SMARCAD1: variants seen among roughly 807,000 people sequenced by gnomAD.
SMARCAD1 encodes SNF2 related chromatin remodeling ATPase with DExD box 1.
A neutral mutation model predicts 127.1 loss-of-function variants in SMARCAD1; 25 were observed. The ratio of observed to expected loss-of-function variants is 0.20; its 90% CI spans 0.14 to 0.27. The LOEUF (loss-of-function observed/expected upper bound fraction) is 0.27, where lower values mean the gene tolerates loss of function less well. SMARCAD1 is among the 10% of genes least tolerant of loss of function. SMARCAD1 has a pLI of 1.00. For missense variants in SMARCAD1, 807 were observed against 1,206.0 expected (o/e 0.67, Z 4.90); for synonymous variants, 400 against 396.9 (o/e 1.01, Z -0.09).
intron 2 of SMARCAD1, among the ~76,000 whole-genome samples, chr4:94,221,063 A>G (rs550719889): frequency 6.6e-6 from 1 of 152,350 alleles, no homozygotes; most frequent in South Asian, 2.1e-4. Flanking sequence ...TGAACAAAGT[A>G]ATACAAAGAA....
intron 2 of SMARCAD1, among the ~76,000 whole-genome samples, chr4:94,222,562 A>G (rs1051764186): frequency 2.0e-5 from 3 of 152,140 alleles, no homozygotes; most frequent in Admixed American, 2.0e-4. Context: ...TATATTACAT[A>G]TCTGATAAGT....
At chr4:94,280,492 T>G (rs1180496279) in intron 19 of SMARCAD1, 100 bp from the exon 20 acceptor site, 2 of 1,041,670 alleles carry the variant, frequency 1.9e-6, no homozygotes, top group Non-Finnish European at 1.4e-6. Flanking sequence ...GTTCTATGAT[T>G]TAGATATTTT....
At chr4:94,261,400 A>G (rs929862249) in intron 9 of SMARCAD1, among the ~76,000 whole-genome samples, 5 of 152,194 alleles carry the variant, frequency 3.3e-5, no homozygotes. Context: ...TTTCTACCGA[A>G]TTGTGAATAT....
chr4:94,290,633 A>C lies in SMARCAD1; in HGVS notation c.*1099A>C. ...AATTCCAATTCAGTGTGAGTGACAA[A>C]GTGAAATTTAGAAGTGAAGTTGTCT... is the stretch of plus-strand genomic sequence containing the variant. On this transcript the variant is annotated 3_prime_UTR_variant, in exon 24 of 24. Coordinates refer to ENST00000354268, the MANE Select transcript of SMARCAD1 (RefSeq NM_020159.5). 2.2e-6 allele frequency: 1 copy of C among 454,202 alleles called. No homozygotes were observed. The highest frequency in any genetic ancestry group is 4.4e-6 in the Non-Finnish European group (1 of 226,704). 28.1% of individuals were successfully genotyped at this position (454,202 alleles called of 1,614,324 possible).
At chr4:94,232,009 C>T (rs148492012) in intron 3 of SMARCAD1, among the ~76,000 whole-genome samples, 427 of 151,980 alleles carry the variant, frequency 2.8e-3, no homozygotes, top group African/African-American at 9.5e-3. Context: ...TTACAGGCAC[C>T]CGCCACCATG....
intron 9 of SMARCAD1, among the ~76,000 whole-genome samples, chr4:94,260,395 G>T (rs991044911): frequency 1.3e-5 from 2 of 152,024 alleles, no homozygotes; most frequent in African/African-American, 4.8e-5. Flanking sequence ...TCAGGCTGGA[G>T]TGCAGTTTCG....
chr4:94,224,509 AT>A (rs1193341073), intron 2 of SMARCAD1, among the ~76,000 whole-genome samples: 2 of 152,210 alleles, frequency 1.3e-5, no homozygotes, highest in Admixed American at 1.3e-4. Context: ...TTTTTACAGC[AT>A]TTTTGATCAC....
intron 14 of SMARCAD1, among the ~76,000 whole-genome samples, chr4:94,275,776 G>A (rs538795476): frequency 5.0e-5 from 6 of 119,694 alleles, no homozygotes; most frequent in African/African-American, 1.7e-4. Flanking sequence ...GAAGTTGTCC[G>A]ATTGTAACAT....
chr4:94,248,561 T>C (rs1748811432), intron 6 of SMARCAD1: 1 of 455,854 alleles, frequency 2.2e-6, no homozygotes. Context: ...CCAGTATGTC[T>C]TATTATTCCC....
Position 94,249,645 on chromosome 4 carries a change from C to A in SMARCAD1, c.706-9C>A. On this transcript the variant is annotated splice_polypyrimidine_tract_variant and intron_variant, in intron 6 of 23. Coordinates refer to ENST00000354268, the MANE Select transcript of SMARCAD1 (RefSeq NM_020159.5). ...TTAAATTGTTTTCTTTTTTTTTTCT[C>A]CCCATTAGGGAGAGGAATCAAATGA... 2.1e-6 allele frequency: 3 copies of A among 1,399,664 alleles called. No individual in the cohort carries two copies. Among genetic ancestry groups the A allele is most frequent in the Non-Finnish European group, 3.0e-6 (3 of 989,140 alleles). The allele number at this position is 1,399,664 out of a possible 1,614,324, so 86.7% of individuals were successfully genotyped here. A position where few individuals can be genotyped will look rare whatever the true frequency, so the allele number is the denominator to read the frequency against.
chr4:94,239,463 G>GAAACAAAA (rs1747232406), intron 5 of SMARCAD1, among the ~76,000 whole-genome samples: 1 of 150,934 alleles, frequency 6.6e-6, no homozygotes, highest in South Asian at 2.1e-4. Context: ...TGAAATTACA[G>GAAACAAAA]AAACAAAAAA....
chr4:94,227,260 A>T (rs1745171997), intron 3 of SMARCAD1, among the ~76,000 whole-genome samples: 1 of 152,100 alleles, frequency 6.6e-6, no homozygotes, highest in African/African-American at 2.4e-5. Context: ...AAAGGATGAG[A>T]TGAAGGAGGG....
intron 9 of SMARCAD1, chr4:94,253,258 C>T: frequency 6.8e-7 from 1 of 1,474,476 alleles, no homozygotes; most frequent in Non-Finnish European, 9.0e-7. Flanking sequence ...TCACTCATTC[C>T]TTTGCATAGA....
At chr4:94,271,594 G>C (rs1318582981) in intron 11 of SMARCAD1, among the ~76,000 whole-genome samples, 1 of 152,146 alleles carries the variant, frequency 6.6e-6, no homozygotes, top group Admixed American at 6.5e-5. Context: ...AGCATTGTAA[G>C]ATATTTTCCC....
intron 4 of SMARCAD1, 111 bp from the exon 5 acceptor site, chr4:94,236,841 C>A: frequency 1.2e-6 from 1 of 856,902 alleles, no homozygotes; most frequent in Non-Finnish European, 1.9e-6. Context: ...CTATGACACA[C>A]ATACTTTCCT....
chr4:94,208,663 A>ATAAAT, intron 2 of SMARCAD1, 79 bp downstream of exon 2: 1 of 1,318,104 alleles, frequency 7.6e-7, no homozygotes, highest in Admixed American at 1.8e-5. Context: ...TCTCATTTTT[A>ATAAAT]TTCTTGATGT....
chr4:94,218,110 T>A (rs1248448413), intron 2 of SMARCAD1, among the ~76,000 whole-genome samples: 1 of 152,166 alleles, frequency 6.6e-6, no homozygotes, highest in South Asian at 2.1e-4. Context: ...TTATATATCC[T>A]ACAATTTTTA....
chr4:94,246,027 C>T (rs957480842), intron 6 of SMARCAD1, among the ~76,000 whole-genome samples: 1 of 152,014 alleles, frequency 6.6e-6, no homozygotes, highest in Admixed American at 6.6e-5. Context: ...CTGCTGGTCA[C>T]GAAACCCAAG....
chr4:94,274,803 A>T lies in SMARCAD1; in HGVS notation c.1732+6A>T. 1 of 1,613,632 alleles carries T rather than the reference A, an allele frequency of 6.2e-7. No individual in the cohort carries two copies. Among genetic ancestry groups the T allele is most frequent in the Non-Finnish European group, 8.5e-7 (1 of 1,179,572 alleles). ...GAAGGTCCTCTGTTACTATGGTAAG[A>T]ATATGTCATTCTGCTTTTAACTTTG... is the stretch of plus-strand genomic sequence containing the variant. On this transcript the variant is annotated splice_donor_region_variant and intron_variant, in intron 13 of 23. Transcript: ENST00000354268.
Sources: allele counts gnomAD v4.1 joint callset (sites outside exome capture counted in the v4.1 genomes callset), GRCh38; gene constraint gnomAD v4.1.1; transcripts MANE v1.5; gene names NCBI Gene and HGNC (gene_info 2026-07-23, HGNC 2026-07-21).